NFASC: variants seen among roughly 807,000 people sequenced by gnomAD.
The protein encoded by NFASC is neurofascin homolog.
A neutral mutation model predicts 147.5 loss-of-function variants in NFASC; 43 were observed. That is an observed-to-expected ratio of 0.29 (90% CI 0.23 to 0.38). NFASC has a LOEUF of 0.38. NFASC is among the 10% of genes least tolerant of loss of function. The probability of loss-of-function intolerance (pLI) is 1.00; values close to 1 mark genes in which losing one functional copy is unlikely to be tolerated. For missense variants in NFASC, 1,320 were observed against 1,689.0 expected, an observed-to-expected ratio of 0.78 and a Z score of 3.83; for synonymous variants, 622 against 665.5, an observed-to-expected ratio of 0.93 and a Z score of 1.01.
intron 27 of NFASC, among the ~76,000 whole-genome samples, chr1:205,005,029 G>A (rs2096075086): frequency 6.6e-6 from 1 of 152,190 alleles, no homozygotes; most frequent in South Asian, 2.1e-4. Context: ...GCTTAGAGTG[G>A]GCCAGCAGTC....
Position 204,975,439 on chromosome 1 carries a change from C to G in NFASC, c.1706+21C>G. The G allele has an allele frequency of 6.3e-7, 1 of 1,598,850 alleles. No homozygotes were observed. The highest frequency in any genetic ancestry group is 8.6e-7 in the Non-Finnish European group (1 of 1,167,832). On this transcript the variant is annotated intron_variant, in intron 15 of 29. Coordinates refer to ENST00000339876, the MANE Select transcript of NFASC (RefSeq NM_001005388.3). The surrounding 1 kb of genome is among the most constrained non-coding windows in gnomAD (Gnocchi z 4.0). Reference sequence around the variant, plus strand: ...AACAGGTTTCTCTTCCCCCTTCCCCCTTCCTAGTGCTAGTTTGAGGCGCAT... The same window carrying G: ...AACAGGTTTCTCTTCCCCCTTCCCCGTTCCTAGTGCTAGTTTGAGGCGCAT...
intron 1 of NFASC, among the ~76,000 whole-genome samples, chr1:204,884,482 G>A (rs936105726): frequency 4.6e-5 from 7 of 152,046 alleles, no homozygotes; most frequent in African/African-American, 1.2e-4. Flanking sequence ...AACCACCTGC[G>A]GTAGAAGATA....
At chr1:204,978,761 G>C (rs2095458297) in intron 17 of NFASC, among the ~76,000 whole-genome samples, 2 of 152,158 alleles carry the variant, frequency 1.3e-5, no homozygotes. Flanking sequence ...TTGTGGGGGG[G>C]GGCTGGGATT....
intron 1 of NFASC, among the ~76,000 whole-genome samples, chr1:204,858,117 A>G (rs1165523683): frequency 1.3e-5 from 2 of 150,966 alleles, no homozygotes; most frequent in African/African-American, 4.9e-5. Flanking sequence ...ATGGGGTTTC[A>G]CCATGCTGGC....
chr1:204,927,809 C>T (rs1189136502), intron 2 of NFASC, among the ~76,000 whole-genome samples: 1 of 152,132 alleles, frequency 6.6e-6, no homozygotes, highest in African/African-American at 2.4e-5. Context: ...CACTTGGAGC[C>T]GGGAGGGGGT....
At chr1:204,997,044 G>C (rs1046597768) in intron 24 of NFASC, 126 bp from the exon 25 acceptor site, 39 of 1,450,296 alleles carry the variant, frequency 2.7e-5, no homozygotes, top group Non-Finnish European at 1.0e-5. Flanking sequence ...CGTTATGCTT[G>C]GGGAGGCTCC....
intron 27 of NFASC, among the ~76,000 whole-genome samples, chr1:205,005,090 G>A (rs1398014569): frequency 1.3e-5 from 2 of 152,210 alleles, no homozygotes; most frequent in Non-Finnish European, 2.9e-5. Flanking sequence ...GGGCCTCAGG[G>A]GCCCTGAATG....
Position 205,002,600 on chromosome 1 carries a change from C to T in NFASC, c.3141C>T (p.Asn1047=), listed in dbSNP as rs761003362. The change falls in exon 27 of 30, where the codon AAC becomes AAT. Residue 1047 remains asparagine, a synonymous_variant. Transcript: ENST00000339876. ...ATTGAGGTTTCTGTTCCCCAGGCAA[C>T]CATACGAAAAAAACTGTCCCAGTTA... is the stretch of plus-strand genomic sequence containing the variant. ...TDFVVEYIDS[N]HTKKTVPVKA... 12 of 1,503,298 alleles carry T rather than the reference C, an allele frequency of 8.0e-6. No individual in the cohort carries two copies. The highest frequency in any genetic ancestry group is 1.1e-5 in the Non-Finnish European group (12 of 1,108,078). 93.1% of individuals were successfully genotyped at this position (1,503,298 alleles called of 1,614,324 possible).
intron 25 of NFASC, chr1:205,000,478 C>T (rs978598541): frequency 1.3e-5 from 2 of 152,742 alleles, no homozygotes; most frequent in African/African-American, 4.8e-5. Flanking sequence ...AGATAACCCT[C>T]TCCTTCCTGC....
In NFASC at chr1:205,017,040, T is replaced by TCTCCTGGG; in HGVS notation, c.*501_*502insCTCCTGGG. The TCTCCTGGG allele has an allele frequency of 3.7e-6, 1 of 270,218 alleles. No homozygotes were observed. The highest frequency in any genetic ancestry group is 4.3e-5 in the South Asian group (1 of 23,462). The allele number at this position is 270,218 out of a possible 1,614,324, so 16.7% of individuals were successfully genotyped here. A position where few individuals can be genotyped will look rare whatever the true frequency, so the allele number is the denominator to read the frequency against. The stretch of plus-strand genomic sequence containing the variant: ...TTTTGCAAAGATAGGCAAAAAGGAT[T>TCTCCTGGG]GAATCCATACCAGAACACGTAGACA... On this transcript the variant is annotated 3_prime_UTR_variant, in exon 30 of 30. Coordinates refer to ENST00000339876, the MANE Select transcript of NFASC (RefSeq NM_001005388.3).
chr1:204,856,582 A>T (rs577405019), intron 1 of NFASC, among the ~76,000 whole-genome samples: 1 of 152,274 alleles, frequency 6.6e-6, no homozygotes, highest in Non-Finnish European at 1.5e-5. Context: ...TAGCAGATTC[A>T]CAATATTGTG....
chr1:205,011,758 G>T (rs2096257300), intron 28 of NFASC, among the ~76,000 whole-genome samples: 1 of 152,196 alleles, frequency 6.6e-6, no homozygotes. Context: ...CATCTAAAAT[G>T]GGGATGATTA....
intron 1 of NFASC, among the ~76,000 whole-genome samples, chr1:204,901,320 C>G (rs1462627880): frequency 6.6e-6 from 1 of 152,056 alleles, no homozygotes; most frequent in African/African-American, 2.4e-5. Flanking sequence ...AGAAGAGATC[C>G]TGGGAGATCC....
chr1:204,931,265 C>A (rs1014505532), intron 2 of NFASC, among the ~76,000 whole-genome samples: 2 of 152,220 alleles, frequency 1.3e-5, no homozygotes, highest in African/African-American at 4.8e-5. Context: ...AGGGATAAAT[C>A]TGAGCTCTTT....
At chr1:204,960,003 G>A (rs1253541152) in intron 8 of NFASC, among the ~76,000 whole-genome samples, 1 of 152,204 alleles carries the variant, frequency 6.6e-6, no homozygotes, top group African/African-American at 2.4e-5. Context: ...AGCTCTGGCT[G>A]GGAGCAAGTT....
At chr1:204,972,178 C>T (rs968552832) in intron 11 of NFASC, among the ~76,000 whole-genome samples, 31 of 152,138 alleles carry the variant, frequency 2.0e-4, no homozygotes, top group East Asian at 1.9e-4. Context: ...TGTGGAGTGG[C>T]GCCTGCAGGG....
intron 2 of NFASC, among the ~76,000 whole-genome samples, chr1:204,934,358 T>C (rs902584407): frequency 6.6e-6 from 1 of 152,148 alleles, no homozygotes; most frequent in African/African-American, 2.4e-5. Context: ...ACCAGCATTC[T>C]AAGGGCACTT....
intron 8 of NFASC, chr1:204,962,038 C>A: frequency 8.2e-7 from 1 of 1,224,900 alleles, no homozygotes; most frequent in Non-Finnish European, 1.2e-6. Context: ...CATTTGTTTT[C>A]TCTCCCCGTT....
At position 204,970,757 on chromosome 1, in the gene NFASC, G is replaced by C. The variant is rs776251562; in HGVS notation, c.1135+10G>C. ...GGGGAACCTTTGCAATGTAAGTAGC[G>C]AGCTGTTGTCCCATCTGACTCTCAT... is the stretch of plus-strand genomic sequence containing the variant. On this transcript the variant is annotated intron_variant, in intron 11 of 29. Transcript: ENST00000339876. 2.5e-6 allele frequency: 4 copies of C among 1,614,154 alleles called. No individual in the cohort carries two copies. In the South Asian group the frequency reaches 4.4e-5, roughly 18 times the overall value.
Sources: allele counts gnomAD v4.1 joint callset (sites outside exome capture counted in the v4.1 genomes callset), GRCh38; gene constraint gnomAD v4.1.1; non-coding constraint Gnocchi (gnomAD v3.1); transcripts MANE v1.5; gene names NCBI Gene and HGNC (gene_info 2026-07-23, HGNC 2026-07-21).